Variants in BAZ2B observed in about 807,000 individuals in gnomAD.
BAZ2B encodes the protein bromodomain adjacent to zinc finger domain 2B, also known as bromodomain adjacent to zinc finger domain protein 2B.
A neutral mutation model predicts 246.0 loss-of-function variants in BAZ2B; 91 were observed. The ratio of observed to expected loss-of-function variants is 0.37; its 90% CI spans 0.31 to 0.44. BAZ2B has a LOEUF of 0.44. Among genes scored for constraint, BAZ2B ranks in the 20% least tolerant of loss-of-function variants. The pLI is 1.00. For synonymous variants in BAZ2B, 855 were observed against 860.0 expected (o/e 0.99, Z 0.10); for missense variants, 2,332 against 2,533.7 (o/e 0.92, Z 1.71).
intron 2 of BAZ2B, among the ~76,000 whole-genome samples, chr2:159,507,470 G>A (rs948031097): frequency 6.6e-6 from 1 of 152,018 alleles, no homozygotes; most frequent in Non-Finnish European, 1.5e-5. Flanking sequence ...GAAAAGCAGT[G>A]GTCTCCCTAA....
intron 14 of BAZ2B, among the ~76,000 whole-genome samples, chr2:159,409,469 G>C (rs2066484154): frequency 2.0e-5 from 3 of 152,162 alleles, no homozygotes; most frequent in Non-Finnish European, 4.4e-5. Flanking sequence ...AACTTGGTCA[G>C]ATTTTTACCT....
At chr2:159,452,713 C>T (rs1040474322) in intron 4 of BAZ2B, among the ~76,000 whole-genome samples, 2 of 152,192 alleles carry the variant, frequency 1.3e-5, no homozygotes, top group Non-Finnish European at 2.9e-5. Context: ...TGATGTCTTA[C>T]TGAACTACTA....
At chr2:159,631,684 T>C in the BAZ2B span, among the ~76,000 whole-genome samples, 1 of 152,188 alleles carries the variant, frequency 6.6e-6, no homozygotes. Context: ...ACATAACAAA[T>C]GTGTATTTTA....
At position 159,354,703 on chromosome 2, in the gene BAZ2B, A is replaced by G. The variant is rs888942013; in HGVS notation, c.4214-4346T>C. On this transcript the variant is annotated intron_variant, in intron 27 of 36. Transcript: ENST00000392783. ...TATATATGGGATATTTAGTGTAAAGAGATTCTTTAATTTTAAATTGTTTTC... is the reference window on the plus strand; with the variant it reads ...TATATATGGGATATTTAGTGTAAAGGGATTCTTTAATTTTAAATTGTTTTC... Among the ~76,000 whole-genome samples, 8 of 152,138 alleles carry G rather than the reference A, an allele frequency of 5.3e-5. 1 individual carries two copies. The highest frequency in any genetic ancestry group is 1.7e-4 in the African/African-American group (7 of 41,412).
Position 159,347,472 on chromosome 2 carries a change from C to G in BAZ2B, c.5454+14G>C. ...ATTATCCTAAAAACATATTTTATTC[C>G]AAGTCGATTTTACCTTCACTTGCAA... On this transcript the variant is annotated intron_variant, in intron 31 of 36. Coordinates refer to ENST00000392783, the MANE Select transcript of BAZ2B (RefSeq NM_013450.4). 6.2e-7 allele frequency: 1 copy of G among 1,610,214 alleles called. No homozygotes were observed. The highest frequency in any genetic ancestry group is 1.1e-5 in the South Asian group (1 of 90,930).
chr2:159,408,661 G>A (rs577562625), intron 14 of BAZ2B, among the ~76,000 whole-genome samples: 1 of 152,294 alleles, frequency 6.6e-6, no homozygotes, highest in African/African-American at 2.4e-5. Context: ...GCTCACGTCT[G>A]TAATCCCAGC....
chr2:159,483,800 A>C (rs565164433), intron 2 of BAZ2B, among the ~76,000 whole-genome samples: 22 of 152,186 alleles, frequency 1.4e-4, no homozygotes, highest in South Asian at 6.2e-4. Flanking sequence ...CAAAACCAAA[A>C]CAAAACAAAA....
chr2:159,593,592 A>C (rs1689901149), intron 1 of BAZ2B, among the ~76,000 whole-genome samples: 1 of 152,230 alleles, frequency 6.6e-6, no homozygotes, highest in Admixed American at 6.5e-5. Flanking sequence ...TCAACAATTC[A>C]CAAGTTTTAA....
At chr2:159,471,689 TA>T (rs1392456273) in intron 3 of BAZ2B, among the ~76,000 whole-genome samples, 3 of 152,156 alleles carry the variant, frequency 2.0e-5, no homozygotes, top group Admixed American at 6.5e-5. Context: ...ATCCAGTAGA[TA>T]AAGAAGAACT....
rs1008759972 is a variant in BAZ2B, at chr2:159,488,128, T to G, written c.-2-9407A>C. Among the ~76,000 whole-genome samples, 10 of 152,110 alleles carry G rather than the reference T, an allele frequency of 6.6e-5. 1 individual carries two copies. ...TCACTCTGTTGCTCAGGCTGGAGTA[T>G]AGCAGTGCAATCTCGGCTACTGCAA... is the stretch of plus-strand genomic sequence containing the variant. On this transcript the variant is annotated intron_variant, in intron 2 of 36. Coordinates refer to ENST00000392783, the MANE Select transcript of BAZ2B (RefSeq NM_013450.4).
chr2:159,514,993 T>A (rs1038598617), intron 2 of BAZ2B, among the ~76,000 whole-genome samples: 1 of 152,092 alleles, frequency 6.6e-6, no homozygotes, highest in Non-Finnish European at 1.5e-5. Context: ...TGATAAGCAT[T>A]ATGTGAAAGA....
In BAZ2B at chr2:159,425,195, T is replaced by G. The variant is rs565468753; in HGVS notation, c.2466+2746A>C. On this transcript the variant is annotated intron_variant, in intron 13 of 36. Transcript: ENST00000392783. Reference sequence around the variant, plus strand: ...AGGAAATTGTTTTTCTGTTGTTGTTTTTTTAGATGGAGTCTCACTCTGTCG... The same window carrying G: ...AGGAAATTGTTTTTCTGTTGTTGTTGTTTTAGATGGAGTCTCACTCTGTCG... Among the ~76,000 whole-genome samples, 8 of 152,338 alleles carry G rather than the reference T, an allele frequency of 5.3e-5. No individual in the cohort carries two copies. In the East Asian group the frequency reaches 5.8e-4, roughly 11 times the overall value.
At chr2:159,453,392 T>C (rs2075337475) in intron 4 of BAZ2B, among the ~76,000 whole-genome samples, 1 of 152,224 alleles carries the variant, frequency 6.6e-6, no homozygotes. Flanking sequence ...CACCTATTTC[T>C]CTAGTTAAAT....
chr2:159,325,779 C>A lies in BAZ2B; in HGVS notation c.6083G>T (p.Arg2028Ile), dbSNP rs772448559. ...DSASTSSSLK[R>I]GNKDLKKRKM... is the part of the protein sequence containing the mutation. Reference sequence around the variant, plus strand: ...TCTTTTCTTGAGGTCTTTGTTTCCTCTTTTTAGTGAACTACTTGTAGATGC... The same window carrying A: ...TCTTTTCTTGAGGTCTTTGTTTCCTATTTTTAGTGAACTACTTGTAGATGC... Residue 2028 changes from arginine to isoleucine, a missense_variant, in exon 35 of 37, where the codon AGA (arginine) becomes ATA (isoleucine). Coordinates refer to ENST00000392783, the MANE Select transcript of BAZ2B (RefSeq NM_013450.4). 1.2e-6 allele frequency: 2 copies of A among 1,606,302 alleles called. No individual in the cohort carries two copies. The highest frequency in any genetic ancestry group is 1.7e-6 in the Non-Finnish European group (2 of 1,178,210).
At position 159,439,056 on chromosome 2, in the gene BAZ2B, C is replaced by A; in HGVS notation, c.853G>T (p.Asp285Tyr). Residue 285 changes from aspartate (D) to tyrosine (Y), a missense_variant, in exon 7 of 37, where the codon GAT (aspartate) becomes TAT (tyrosine). By Grantham distance (160) the Asp-to-Tyr change is radical. Coordinates refer to ENST00000392783, the MANE Select transcript of BAZ2B (RefSeq NM_013450.4). ...EDQSIEESED[D>Y]DSDSESEAQH... is the part of the protein sequence containing the mutation. ...GCTTCACTCTCTGAATCAGAATCAT[C>A]ATCTTCACTTTCTTCAATACTTTGA... 6.2e-7 allele frequency: 1 copy of A among 1,613,800 alleles called. No homozygotes were observed. Among genetic ancestry groups the A allele is most frequent in the Non-Finnish European group, 8.5e-7 (1 of 1,179,930 alleles).
the BAZ2B span, among the ~76,000 whole-genome samples, chr2:159,623,503 C>T: frequency 1.3e-5 from 2 of 152,100 alleles, no homozygotes; most frequent in Non-Finnish European, 2.9e-5. Flanking sequence ...TGAAGAATTG[C>T]GGAGATACTG....
chr2:159,486,926 C>T (rs1178948502), intron 2 of BAZ2B, among the ~76,000 whole-genome samples: 1 of 151,904 alleles, frequency 6.6e-6, no homozygotes, highest in East Asian at 1.9e-4. Flanking sequence ...ATAGCAAGAT[C>T]TCATTTGTGA....
intron 22 of BAZ2B, 118 bp from the exon 23 acceptor site, chr2:159,385,487 C>CT (rs5835743): frequency 0.035 from 21,570 of 609,966 alleles, 32 homozygotes; most frequent in Non-Finnish European, 0.042. Context: ...GCTTTATTCA[C>CT]TTTTTTTTTA....
chr2:159,482,905 C>T (rs938751486), intron 2 of BAZ2B, among the ~76,000 whole-genome samples: 13 of 152,008 alleles, frequency 8.6e-5, no homozygotes, highest in African/African-American at 3.1e-4. Context: ...ATCCAAGAAC[C>T]ATCTATTCCT....
Sources: allele counts gnomAD v4.1 joint callset (sites outside exome capture counted in the v4.1 genomes callset), GRCh38; gene constraint gnomAD v4.1.1; transcripts MANE v1.5; gene names NCBI Gene and HGNC (gene_info 2026-07-23, HGNC 2026-07-21).